TTC3: variants seen among roughly 807,000 people sequenced by gnomAD.
TTC3 encodes E3 ubiquitin-protein ligase TTC3.
TTC3 carries 180 observed loss-of-function variants against 249.6 expected under a neutral mutation model. The ratio of observed to expected loss-of-function variants is 0.72; its 90% confidence interval spans 0.64 to 0.82. The LOEUF (loss-of-function observed/expected upper bound fraction) is 0.82, where lower values mean the gene tolerates loss of function less well. TTC3 is among the 40% of genes least tolerant of loss of function. The pLI is 0.00. For missense variants in TTC3, 2,061 were observed against 2,398.4 expected (o/e 0.86, Z 2.94); for synonymous variants, 717 against 805.0 (o/e 0.89, Z 1.85).
In TTC3 at chr21:37,166,258, A is replaced by G. The variant is rs1295073755; in HGVS notation, c.4044A>G (p.Ile1348Met). 2.5e-6 allele frequency: 4 copies of G among 1,614,084 alleles called. No homozygotes were observed. The Admixed American group carries it at 6.7e-5, about 27-fold the overall frequency. The change falls in exon 33 of 46, where the codon ATA becomes ATG. Residue 1348 changes from isoleucine to methionine, a missense_variant. Around this residue, in one of 3 missense-constraint regions of TTC3, gnomAD observed 1,040 missense variants for 1,186.1 expected, o/e 0.88. Transcript: ENST00000355666. The stretch of plus-strand genomic sequence containing the variant: ...CAGGTTTGCCCCAGTACACCAGCAT[A>G]TATACACCCTTGGCCAGCCTTTCTC...
rs939026493 is a variant in TTC3 at position 37,148,489 on chromosome 21, A to C, written c.2017-57A>C. ...CTCTGTCTTTATGTATGTTGTAGTG[A>C]GTGAGTGTGCAGAGACATCTTTAAA... On this transcript the variant is annotated intron_variant, in intron 22 of 45. Coordinates refer to ENST00000355666, the Ensembl canonical transcript of TTC3. 16 of 852,284 alleles carry C rather than the reference A, an allele frequency of 1.9e-5. No homozygotes were observed. In the South Asian group the frequency reaches 3.1e-4, roughly 17 times the overall value. 52.8% of individuals were successfully genotyped at this position (852,284 alleles called of 1,614,324 possible). A position where few individuals can be genotyped will look rare whatever the true frequency, so the allele number is the denominator to read the frequency against.
At chr21:37,201,676 T>C in exon 46 of TTC3, 1 of 1,436,898 alleles carries the variant, frequency 7.0e-7, no homozygotes, top group Non-Finnish European at 9.4e-7. Flanking sequence ...CCTTGTGCAT[T>C]GTGTGTCACA....
chr21:37,120,685 C>T (rs1253265998), intron 11 of TTC3, among the ~76,000 whole-genome samples: 1 of 152,090 alleles, frequency 6.6e-6, no homozygotes, highest in Non-Finnish European at 1.5e-5. Context: ...AATAGTCTGT[C>T]TAAAAAAACT....
intron 10 of TTC3, among the ~76,000 whole-genome samples, chr21:37,102,387 A>G (rs1360446161): frequency 6.6e-6 from 1 of 152,186 alleles, no homozygotes; most frequent in Non-Finnish European, 1.5e-5. Context: ...TTTTTATGGT[A>G]TGGTTTAAGA....
chr21:37,126,950 G>T, intron 15 of TTC3, among the ~76,000 whole-genome samples: 1 of 151,964 alleles, frequency 6.6e-6, no homozygotes, highest in East Asian at 1.9e-4. Flanking sequence ...TGCCTCCTGG[G>T]TTCAAGCAAT....
chr21:37,188,425 G>A (rs2083559774), intron 38 of TTC3, 70 bp from the exon 39 acceptor site: 8 of 1,244,824 alleles, frequency 6.4e-6, no homozygotes, highest in Non-Finnish European at 9.2e-6. Context: ...GAATGTTTAA[G>A]TTTTAACCTT....
At chr21:37,137,460 G>C (rs2078057893) in intron 18 of TTC3, among the ~76,000 whole-genome samples, 1 of 152,210 alleles carries the variant, frequency 6.6e-6, no homozygotes, top group Non-Finnish European at 1.5e-5. Flanking sequence ...AGTGGAGGAA[G>C]TCACTGCAGA....
intron 28 of TTC3, among the ~76,000 whole-genome samples, chr21:37,157,619 A>G (rs372598452): frequency 1.6e-4 from 24 of 152,270 alleles, no homozygotes; most frequent in African/African-American, 5.5e-4. Context: ...GCAGGGGTAG[A>G]GTCTCAGATG....
chr21:37,179,454 G>A (rs1301415384), intron 35 of TTC3, among the ~76,000 whole-genome samples: 1 of 152,136 alleles, frequency 6.6e-6, no homozygotes, highest in Non-Finnish European at 1.5e-5. Flanking sequence ...CAGCACAAAA[G>A]TTTTTACTTT....
rs536615316 is a variant in TTC3, at chr21:37,109,910, T to C, written c.900+1464T>C. Among the ~76,000 whole-genome samples the C allele has an allele frequency of 1.5e-3, 224 of 152,314 alleles. 2 individuals are homozygous for C. Among genetic ancestry groups the C allele is most frequent in the African/African-American group, 4.9e-3 (205 of 41,572 alleles). ...GCAGCATTTGCGATTCACCAACATC[T>C]GCTGTTCTGCAGCCACTGCTGCTGA... is the stretch of plus-strand genomic sequence containing the variant. On this transcript the variant is annotated intron_variant, in intron 11 of 45. Coordinates refer to ENST00000355666, the Ensembl canonical transcript of TTC3.
At chr21:37,150,854 C>T in exon 25 of TTC3, 1 of 1,610,930 alleles carries the variant, frequency 6.2e-7, no homozygotes, top group Non-Finnish European at 8.5e-7. Flanking sequence ...AAGGTTCCTC[C>T]AAGACCTATT....
rs1303603523 is a variant in TTC3 at position 37,159,560 on chromosome 21, C to A, written c.2993-139C>A. On this transcript the variant is annotated intron_variant, in intron 28 of 45. Transcript: ENST00000355666. ...AGCCATTTTGCCCTTGGTTTCTAAA[C>A]TACACTTGTGTCAAAGCCAAATAAG... 6.3e-6 allele frequency: 6 copies of A among 948,988 alleles called. No individual in the cohort carries two copies. The East Asian group carries it at 1.3e-4, about 21-fold the overall frequency. The allele number at this position is 948,988 out of a possible 1,614,324, so 58.8% of individuals were successfully genotyped here. A position where few individuals can be genotyped will look rare whatever the true frequency, so the allele number is the denominator to read the frequency against.
intron 1 of TTC3, chr21:37,083,634 T>C (rs2072007824): frequency 6.5e-6 from 1 of 154,260 alleles, no homozygotes; most frequent in Admixed American, 6.5e-5. Context: ...GGCAGTAAAA[T>C]GACATGTAGA....
intron 35 of TTC3, among the ~76,000 whole-genome samples, chr21:37,181,958 G>A (rs556101527): frequency 4.5e-4 from 68 of 152,216 alleles, no homozygotes; most frequent in African/African-American, 1.6e-3. Flanking sequence ...TTTCCCTAAA[G>A]CAAATGTGAA....
In TTC3 at chr21:37,179,174, C is replaced by T. The variant is rs148339569; in HGVS notation, c.4618-3600C>T. Among the ~76,000 whole-genome samples the T allele has an allele frequency of 1.5e-3, 222 of 152,186 alleles. 2 individuals carry two copies. Among genetic ancestry groups the T allele is most frequent in the African/African-American group, 4.9e-3 (203 of 41,528 alleles). ...TGGGGATACATGCCTGTAGTTCCAG[C>T]TACTCAGGAGGCTGAGGTGGGAGGA... is the stretch of plus-strand genomic sequence containing the variant. On this transcript the variant is annotated intron_variant, in intron 35 of 45. Coordinates refer to ENST00000355666, the Ensembl canonical transcript of TTC3.
chr21:37,108,246 G>T, intron 10 of TTC3, 146 bp from the exon 11 acceptor site: 1 of 625,536 alleles, frequency 1.6e-6, no homozygotes, highest in Non-Finnish European at 2.6e-6. Flanking sequence ...TCCTATAATG[G>T]ACATATATTA....
chr21:37,153,480 A>G (rs991483418), intron 27 of TTC3, among the ~76,000 whole-genome samples: 1 of 152,172 alleles, frequency 6.6e-6, no homozygotes, highest in African/African-American at 2.4e-5. Flanking sequence ...TTTGAGACCA[A>G]CCTGGCAATG....
chr21:37,095,465 A>G (rs1400189582), intron 9 of TTC3, 21 bp downstream of exon 9: 3 of 1,476,410 alleles, frequency 2.0e-6, no homozygotes, highest in Non-Finnish European at 2.8e-6. Flanking sequence ...ATAGAACAAA[A>G]GAGATGCTTT....
At chr21:37,185,186 G>A (rs773461710) in intron 36 of TTC3, among the ~76,000 whole-genome samples, 8 of 152,266 alleles carry the variant, frequency 5.3e-5, no homozygotes, top group African/African-American at 9.6e-5. Flanking sequence ...GGCAGAACCC[G>A]CCTTGTGCAG....
Sources: gnomAD v4.1 joint callset for allele counts (sites outside exome capture counted in the v4.1 genomes callset) on GRCh38, gnomAD v4.1.1 for gene constraint, gnomAD v4.1.1 regional missense constraint, MANE v1.5 for transcripts, NCBI Gene and HGNC (gene_info 2026-07-23, HGNC 2026-07-21) for gene names.